The following HEPHL1 variants were observed in gnomAD, a reference collection of about 807,000 sequenced individuals.
HEPHL1 encodes the protein hephaestin like 1.
Under a neutral mutation model 122.0 loss-of-function variants are expected in HEPHL1, and 123 were observed. The observed-to-expected ratio is 1.01, with a 90% CI of 0.87 to 1.17. The LOEUF is 1.17. Ranked by LOEUF, HEPHL1 falls within the 50% of genes most tolerant of loss-of-function variation. HEPHL1 has a pLI of 0.00. For missense variants in HEPHL1, 1,452 were observed against 1,430.5 expected, an observed-to-expected ratio of 1.01 and a Z score of -0.24; for synonymous variants, 527 against 508.9, an observed-to-expected ratio of 1.04 and a Z score of -0.48.
chr11:94,055,907 C>A, intron 2 of HEPHL1: 1 of 936,910 alleles, frequency 1.1e-6, no homozygotes, highest in Admixed American at 2.1e-5. Context: ...CAGAGCCTAC[C>A]GTGCCTCCTG....
chr11:94,074,929 C>G (rs1946107924), intron 8 of HEPHL1, among the ~76,000 whole-genome samples: 1 of 152,162 alleles, frequency 6.6e-6, no homozygotes, highest in Non-Finnish European at 1.5e-5. Context: ...TTTGCTAAGG[C>G]TGGCATTTGA....
At position 94,111,566 on chromosome 11, in the gene HEPHL1, C is replaced by A; in HGVS notation, c.3238C>A (p.Pro1080Thr). ...DNRIPYSTTS[P>T]GVASHPATVP... is the part of the protein sequence containing the mutation. ...CAGGATTCCTTACTCCACCACATCT[C>A]CTGGAGTGGCATCTCACCCAGCCAC... The change falls in exon 19 of 20, where the codon CCT (proline) becomes ACT (threonine). Residue 1080 changes from proline to threonine, a missense_variant. By Grantham distance (38) the Pro-to-Thr change is conservative. Transcript: ENST00000315765. 1 of 1,605,548 alleles carries A rather than the reference C, an allele frequency of 6.2e-7. No individual in the cohort carries two copies. The highest frequency in any genetic ancestry group is 2.2e-5 in the East Asian group (1 of 44,592).
At chr11:94,076,004 A>G (rs144205011) in intron 9 of HEPHL1, among the ~76,000 whole-genome samples, 2 of 152,342 alleles carry the variant, frequency 1.3e-5, no homozygotes, top group Non-Finnish European at 2.9e-5. Flanking sequence ...TAATGAAAAG[A>G]GAAAAACAGT....
At chr11:94,094,008 ATATAT>A (rs1591485776) in intron 13 of HEPHL1, among the ~76,000 whole-genome samples, 1 of 114,474 alleles carries the variant, frequency 8.7e-6, no homozygotes, top group East Asian at 2.5e-4. Flanking sequence ...ATATATATAT[ATATAT>A]AAAACTTTAA....
rs769543857 is a variant in HEPHL1, at chr11:94,045,674, C to T, written c.172C>T (p.Leu58Phe). Residue 58 changes from leucine to phenylalanine, a missense_variant and splice_region_variant, in exon 2 of 20, where the codon CTT (leucine) becomes TTT (phenylalanine). Physicochemically the swap from Leu to Phe is conservative, Grantham distance 22. Transcript: ENST00000315765. ...AAATGTTTTTCTTCTTACTTTTAGA[C>T]TTGCAACCTTATTTCTCGAAAGAGG... ...ITGKSFTEDK[L>F]ATLFLERGPN... 1.3e-6 allele frequency: 2 copies of T among 1,598,056 alleles called. No homozygotes were observed. Among genetic ancestry groups the T allele is most frequent in the Non-Finnish European group, 1.7e-6 (2 of 1,172,050 alleles).
At chr11:94,097,328 T>C (rs928652120) in intron 13 of HEPHL1, among the ~76,000 whole-genome samples, 1 of 152,214 alleles carries the variant, frequency 6.6e-6, no homozygotes, top group Non-Finnish European at 1.5e-5. Context: ...TGAGTGATTT[T>C]GAGTGAGTTC....
At chr11:94,059,128 A>T (rs955702305) in intron 2 of HEPHL1, among the ~76,000 whole-genome samples, 1 of 152,178 alleles carries the variant, frequency 6.6e-6, no homozygotes, top group Admixed American at 6.6e-5. Flanking sequence ...GCATGTATGT[A>T]TGTGTATATC....
In HEPHL1 at chr11:94,102,821, T is replaced by C. The variant is rs1020786230; in HGVS notation, c.2576-93T>C. On this transcript the variant is annotated intron_variant, in intron 14 of 19. Coordinates refer to ENST00000315765, the MANE Select transcript of HEPHL1 (RefSeq NM_001098672.2). ...AATTCTCTCCAGCAATAAACATTAATGAAAATATATAAAGACCTGCTTATA... is the reference window on the plus strand; with the variant it reads ...AATTCTCTCCAGCAATAAACATTAACGAAAATATATAAAGACCTGCTTATA... The C allele has an allele frequency of 4.5e-6, 3 of 659,912 alleles. No homozygotes were observed. The African/African-American group carries it at 5.5e-5, about 12-fold the overall frequency. 40.9% of individuals were successfully genotyped at this position (659,912 alleles called of 1,614,324 possible).
At chr11:94,073,186 T>C (rs777160969) in intron 7 of HEPHL1, 22 bp downstream of exon 7, 3 of 1,612,460 alleles carry the variant, frequency 1.9e-6, no homozygotes, top group Non-Finnish European at 2.5e-6. Context: ...CCATCCCCCA[T>C]GCATTGAACC....
chr11:94,105,314 T>C (rs548302697), intron 16 of HEPHL1, among the ~76,000 whole-genome samples: 1 of 152,324 alleles, frequency 6.6e-6, no homozygotes, highest in South Asian at 2.1e-4. Flanking sequence ...GATTAGAATA[T>C]AGTAGCCTGA....
intron 1 of HEPHL1, among the ~76,000 whole-genome samples, chr11:94,032,868 A>C (rs1399434371): frequency 1.3e-5 from 2 of 152,156 alleles, no homozygotes; most frequent in Non-Finnish European, 2.9e-5. Flanking sequence ...GCGGAGTTTA[A>C]CTGGTATATG....
intron 2 of HEPHL1, among the ~76,000 whole-genome samples, chr11:94,051,372 G>T (rs181687670): frequency 6.6e-6 from 1 of 152,200 alleles, no homozygotes; most frequent in East Asian, 1.9e-4. Context: ...ATATCATGTT[G>T]TAGTTTTGAT....
intron 1 of HEPHL1, among the ~76,000 whole-genome samples, chr11:94,042,801 A>G (rs1264396820): frequency 2.1e-5 from 3 of 144,332 alleles, no homozygotes; most frequent in African/African-American, 7.7e-5. Context: ...GGTGCAGCGC[A>G]CCAGCATGGC....
rs1484080691 is a variant in HEPHL1 at position 94,075,287 on chromosome 11, T to C, written c.1618T>C (p.Tyr540His). 6.2e-7 allele frequency: 1 copy of C among 1,613,588 alleles called. No individual in the cohort carries two copies. The highest frequency in any genetic ancestry group is 1.1e-5 in the South Asian group (1 of 91,082). Residue 540 changes from tyrosine (Y) to histidine (H), a missense_variant, in exon 9 of 20, where the codon TAC (tyrosine) becomes CAC (histidine). Coordinates refer to ENST00000315765, the MANE Select transcript of HEPHL1 (RefSeq NM_001098672.2). ...AGDPPCLTYL[Y>H]FSAVDPIKDT... ...TGATCCTCCCTGTCTGACCTATCTT[T>C]ACTTCTCAGCAGTTGATCCAATTAA...
intron 9 of HEPHL1, among the ~76,000 whole-genome samples, chr11:94,076,944 A>T (rs1392690064): frequency 6.6e-6 from 1 of 152,068 alleles, no homozygotes; most frequent in African/African-American, 2.4e-5. Context: ...CTTTGAATCC[A>T]CCTCTCTATA....
intron 13 of HEPHL1, among the ~76,000 whole-genome samples, chr11:94,094,911 T>G (rs963704401): frequency 1.4e-4 from 21 of 152,270 alleles, no homozygotes; most frequent in African/African-American, 4.8e-4. Context: ...TGCCAGATGA[T>G]TAGATTGCAA....
Position 94,060,149 on chromosome 11 carries a change from T to C in HEPHL1, c.416-3359T>C, listed in dbSNP as rs112450930. Among the ~76,000 whole-genome samples, 430 of 102,956 alleles carry C rather than the reference T, an allele frequency of 4.2e-3. 6 individuals are homozygous for C. The highest frequency in any genetic ancestry group is 0.016 in the African/African-American group (401 of 25,492). The allele number at this position is 102,956 out of a possible 152,430, so 67.5% of individuals were successfully genotyped here. A position where few individuals can be genotyped will look rare whatever the true frequency, so the allele number is the denominator to read the frequency against. On this transcript the variant is annotated intron_variant, in intron 2 of 19. Coordinates refer to ENST00000315765, the MANE Select transcript of HEPHL1 (RefSeq NM_001098672.2). Reference sequence around the variant, plus strand: ...ATATATATATATATATATATATATATACACGCACTGGGGTAGATCTTGAAG... The same window carrying C: ...ATATATATATATATATATATATATACACACGCACTGGGGTAGATCTTGAAG...
rs781448212 is a variant in HEPHL1, at chr11:94,073,058, C to G, written c.1266C>G (p.Asn422Lys). The G allele has an allele frequency of 1.2e-6, 2 of 1,612,772 alleles. No homozygotes were observed. Among genetic ancestry groups the G allele is most frequent in the Non-Finnish European group, 1.7e-6 (2 of 1,179,120 alleles). Reference protein sequence around the residue: ...DSDLYFTQGDNRIGGKYWKVR... With the variant: ...DSDLYFTQGDKRIGGKYWKVR... Reference sequence around the variant, plus strand: ...ATCTCTACTTCACACAAGGGGACAACAGAATAGGAGGAAAATACTGGAAGG... The same window carrying G: ...ATCTCTACTTCACACAAGGGGACAAGAGAATAGGAGGAAAATACTGGAAGG... The change falls in exon 7 of 20, where the codon AAC becomes AAG. Residue 422 changes from asparagine to lysine, a missense_variant. Coordinates refer to ENST00000315765, the MANE Select transcript of HEPHL1 (RefSeq NM_001098672.2).
rs550624580 is a variant in HEPHL1, at chr11:94,113,629, C to T, written c.*1735C>T. ...TGGTAAATGCCTTATTTATTACCCA[C>T]CTTAGTAAGACAAGTTGTTCAGTTG... On this transcript the variant is annotated 3_prime_UTR_variant, in exon 20 of 20. Coordinates refer to ENST00000315765, the MANE Select transcript of HEPHL1 (RefSeq NM_001098672.2). 6.6e-5 allele frequency: 10 copies of T among 152,130 alleles called. No homozygotes were observed. Among genetic ancestry groups the T allele is most frequent in the African/African-American group, 1.9e-4 (8 of 41,512 alleles). The allele number at this position is 152,130 out of a possible 1,614,324, so 9.4% of individuals were successfully genotyped here.
Sources: allele counts gnomAD v4.1 joint callset (sites outside exome capture counted in the v4.1 genomes callset), GRCh38; gene constraint gnomAD v4.1.1; transcripts MANE v1.5; gene names NCBI Gene and HGNC (gene_info 2026-07-23, HGNC 2026-07-21).